The following CREG2 variants were observed in gnomAD, a reference collection of about 807,000 sequenced individuals.
CREG2 encodes cellular repressor of E1A stimulated genes 2.
In CREG2, 24 loss-of-function variants were observed where a neutral mutation model predicts 26.2. The observed-to-expected ratio is 0.92, with a 90% CI of 0.66 to 1.29. The LOEUF is 1.29. Among genes scored for constraint, CREG2 ranks in the 50% most tolerant of loss-of-function variants. The pLI is 0.00. For missense variants in CREG2, 366 were observed against 398.6 expected (o/e 0.92, Z 0.70); for synonymous variants, 174 against 169.2 (o/e 1.03, Z -0.22).
chr2:101,374,011 G>A (rs772329584), intron 2 of CREG2, among the ~76,000 whole-genome samples: 3 of 152,168 alleles, frequency 2.0e-5, no homozygotes, highest in Non-Finnish European at 2.9e-5. Context: ...GACTATAGGC[G>A]TGCACCACTA....
chr2:101,357,080 G>T (rs1473189069), intron 2 of CREG2, among the ~76,000 whole-genome samples: 2 of 152,128 alleles, frequency 1.3e-5, no homozygotes, highest in East Asian at 3.9e-4. Context: ...GTAGAGACGG[G>T]GTTTCACCAT....
chr2:101,385,295 C>T (rs960492677), intron 1 of CREG2, among the ~76,000 whole-genome samples: 3 of 152,156 alleles, frequency 2.0e-5, no homozygotes, highest in Non-Finnish European at 4.4e-5. Context: ...GATTCTTGTG[C>T]CTTAGCCTCC....
At chr2:101,378,861 C>T (rs1684827944) in intron 2 of CREG2, among the ~76,000 whole-genome samples, 1 of 152,036 alleles carries the variant, frequency 6.6e-6, no homozygotes, top group African/African-American at 2.4e-5. Context: ...CAAAAATTAG[C>T]TGGGCACGGT....
chr2:101,384,052 C>G (rs1684926151), intron 1 of CREG2, among the ~76,000 whole-genome samples: 2 of 152,134 alleles, frequency 1.3e-5, no homozygotes, highest in African/African-American at 4.8e-5. Flanking sequence ...GGAGGTGGTG[C>G]TAAGCCTTTT....
At chr2:101,379,548 A>G (rs1055600012) in intron 2 of CREG2, among the ~76,000 whole-genome samples, 1 of 151,960 alleles carries the variant, frequency 6.6e-6, no homozygotes, top group African/African-American at 2.4e-5. Flanking sequence ...CTGTTAATGG[A>G]TCTAAATATC....
intron 1 of CREG2, among the ~76,000 whole-genome samples, chr2:101,386,140 A>T (rs915264836): frequency 2.0e-5 from 3 of 152,272 alleles, no homozygotes; most frequent in Non-Finnish European, 2.9e-5. Flanking sequence ...GGACCTTAAA[A>T]ACTAAACCTA....
chr2:101,387,202 G>C lies in CREG2; in HGVS notation c.256C>G (p.Arg86Gly). 7.3e-7 allele frequency: 1 copy of C among 1,372,330 alleles called. No individual in the cohort carries two copies. Among genetic ancestry groups the C allele is most frequent in the South Asian group, 1.7e-5 (1 of 58,332 alleles). 85.0% of individuals were successfully genotyped at this position (1,372,330 alleles called of 1,614,324 possible). ...ASAHKEDAHLRPRAGAARARP... is the reference protein window; with the variant it reads ...ASAHKEDAHLGPRAGAARARP... The stretch of plus-strand genomic sequence containing the variant: ...GCCCGGGCGGCGCCCGCCCGGGGCC[G>C]CAGGTGCGCGTCCTCCTTGTGGGCA... The change falls in exon 1 of 4, where the codon CGG becomes GGG. Residue 86 changes from arginine (R) to glycine (G), a missense_variant. Transcript: ENST00000324768. The surrounding 1 kb of genome is among the most constrained non-coding windows in gnomAD (Gnocchi z 4.7).
chr2:101,381,706 G>A (rs116002135), intron 2 of CREG2, among the ~76,000 whole-genome samples: 1,539 of 152,310 alleles, frequency 0.01, 34 homozygotes, highest in African/African-American at 0.034. Context: ...TCCTCTCCCA[G>A]GCCAGAGTAA....
rs1371341767 is a variant in CREG2 at position 101,387,109 on chromosome 2, G to A, written c.349C>T (p.Pro117Ser). ...RREGGQTASAPPGPRLRAATA... is the reference protein window; with the variant it reads ...RREGGQTASASPGPRLRAATA... The stretch of plus-strand genomic sequence containing the variant: ...GCGGCGCGCAGTCTAGGGCCCGGGG[G>A]CGCACTGGCCGTCTGGCCGCCCTCG... Residue 117 changes from proline (P) to serine (S), a missense_variant, in exon 1 of 4, where the codon CCC becomes TCC. Transcript: ENST00000324768. The surrounding 1 kb of genome is among the most constrained non-coding windows in gnomAD (Gnocchi z 4.7). 26 of 1,243,432 alleles carry A rather than the reference G, an allele frequency of 2.1e-5. No individual in the cohort carries two copies. Among genetic ancestry groups the A allele is most frequent in the Non-Finnish European group, 2.2e-5 (22 of 995,334 alleles). The allele number at this position is 1,243,432 out of a possible 1,614,324, so 77.0% of individuals were successfully genotyped here. A position where few individuals can be genotyped will look rare whatever the true frequency, so the allele number is the denominator to read the frequency against.
chr2:101,374,280 G>A (rs1684755991), intron 2 of CREG2, among the ~76,000 whole-genome samples: 1 of 152,238 alleles, frequency 6.6e-6, no homozygotes, highest in South Asian at 2.1e-4. Context: ...GGGAGGCTGA[G>A]GCAGGAGAAT....
intron 2 of CREG2, among the ~76,000 whole-genome samples, chr2:101,367,369 A>G (rs577512967): frequency 6.6e-6 from 1 of 152,276 alleles, no homozygotes; most frequent in South Asian, 2.1e-4. Context: ...ATATGCTGAG[A>G]TTATATTAAA....
chr2:101,379,969 T>TCTATCTA (rs1684846361), intron 2 of CREG2, among the ~76,000 whole-genome samples: 1 of 147,742 alleles, frequency 6.8e-6, no homozygotes, highest in East Asian at 2.0e-4. Flanking sequence ...GTGTGAAAGC[T>TCTATCTA]TCTATCTATC....
At chr2:101,383,014 G>C in intron 2 of CREG2, 6 of 986,616 alleles carry the variant, frequency 6.1e-6, no homozygotes, top group Non-Finnish European at 7.2e-6. Context: ...GTCTTTAGAA[G>C]TGTTTTCTTT....
intron 2 of CREG2, among the ~76,000 whole-genome samples, 157 bp downstream of exon 2, chr2:101,383,376 T>C (rs951233209): frequency 2.6e-5 from 4 of 152,196 alleles, no homozygotes; most frequent in Non-Finnish European, 4.4e-5. Context: ...CACTGCTTGG[T>C]GAGTGGTGGA....
At chr2:101,355,719 G>C (rs908432878) in intron 2 of CREG2, among the ~76,000 whole-genome samples, 1 of 151,952 alleles carries the variant, frequency 6.6e-6, no homozygotes, top group African/African-American at 2.4e-5. Flanking sequence ...GTGGGGTTCG[G>C]GGGGGTGGGA....
At chr2:101,369,009 A>C (rs1359951987) in intron 2 of CREG2, among the ~76,000 whole-genome samples, 1 of 152,238 alleles carries the variant, frequency 6.6e-6, no homozygotes, top group Non-Finnish European at 1.5e-5. Flanking sequence ...CAAGAGAGTG[A>C]TGTCCGAGGC....
chr2:101,358,806 C>T (rs1203099947), intron 2 of CREG2, among the ~76,000 whole-genome samples: 1 of 19,586 alleles, frequency 5.1e-5, no homozygotes, highest in African/African-American at 7.6e-5. Context: ...GAGGCCGAGG[C>T]GGGCGGATCA....
intron 2 of CREG2, among the ~76,000 whole-genome samples, chr2:101,381,134 G>A (rs1684866137): frequency 6.6e-6 from 1 of 152,212 alleles, no homozygotes; most frequent in Non-Finnish European, 1.5e-5. Context: ...TGAAGCACGT[G>A]ACGACGATCT....
At chr2:101,352,769 C>G (rs1396508468) in intron 3 of CREG2, among the ~76,000 whole-genome samples, 1 of 152,192 alleles carries the variant, frequency 6.6e-6, no homozygotes, top group African/African-American at 2.4e-5. Flanking sequence ...GATCATGCCA[C>G]TGCACTCCAG....
Sources: allele counts gnomAD v4.1 joint callset (sites outside exome capture counted in the v4.1 genomes callset), GRCh38; gene constraint gnomAD v4.1.1; non-coding constraint Gnocchi (gnomAD v3.1); transcripts MANE v1.5; gene names NCBI Gene and HGNC (gene_info 2026-07-23, HGNC 2026-07-21).